The following MAP4K5 variants were observed in gnomAD, a reference collection of about 807,000 sequenced individuals.
MAP4K5 encodes mitogen-activated protein kinase kinase kinase kinase 5.
Under a neutral mutation model 135.6 loss-of-function variants are expected in MAP4K5, and 82 were observed. The ratio of observed to expected loss-of-function variants is 0.60; its 90% CI spans 0.51 to 0.73. The LOEUF is 0.73. MAP4K5 is among the 30% of genes least tolerant of loss of function. The probability of loss-of-function intolerance (pLI) is 0.00; values close to 1 mark genes in which losing one functional copy is unlikely to be tolerated. For synonymous variants in MAP4K5, 347 were observed against 335.0 expected (o/e 1.04, Z -0.39); for missense variants, 907 against 1,010.9 (o/e 0.90, Z 1.39).
chr14:50,435,887 A>C (rs1390759371), intron 26 of MAP4K5, among the ~76,000 whole-genome samples: 2 of 152,164 alleles, frequency 1.3e-5, no homozygotes, highest in African/African-American at 2.4e-5. Context: ...ATTTGCATTA[A>C]ACTCTAAAGT....
At chr14:50,532,400 C>G in intron 1 of MAP4K5, 48 bp downstream of exon 1, 1 of 213,432 alleles carries the variant, frequency 4.7e-6, no homozygotes, top group South Asian at 1.1e-4. Context: ...GGCTCCGTAC[C>G]TAATGGGGGC....
At chr14:50,484,329 A>G (rs1054998589) in intron 5 of MAP4K5, among the ~76,000 whole-genome samples, 1 of 152,186 alleles carries the variant, frequency 6.6e-6, no homozygotes, top group African/African-American at 2.4e-5. Flanking sequence ...GTTATGGATT[A>G]TTTGTTGTGA....
intron 10 of MAP4K5, 82 bp downstream of exon 10, chr14:50,468,569 T>C (rs2036884347): frequency 7.2e-7 from 1 of 1,380,122 alleles, no homozygotes; most frequent in Non-Finnish European, 1.0e-6. Flanking sequence ...TTCTTAAAAA[T>C]GAGCTTGATG....
intron 14 of MAP4K5, among the ~76,000 whole-genome samples, chr14:50,451,674 T>C (rs188224540): frequency 1.3e-5 from 2 of 152,252 alleles, no homozygotes; most frequent in African/African-American, 2.4e-5. Context: ...GTTTTTTTTT[T>C]CAAAAATAGT....
Position 50,455,441 on chromosome 14 carries a change from T to C in MAP4K5, c.1015+1075A>G, listed in dbSNP as rs183586428. Among the ~76,000 whole-genome samples the C allele has an allele frequency of 1.4e-3, 216 of 152,150 alleles. 3 individuals carry two copies. Among genetic ancestry groups the C allele is most frequent in the Admixed American group, 0.01 (154 of 15,270 alleles). Reference sequence around the variant, plus strand: ...AACTTTGTTACTTTTCTCTTTAGTATTGGAGGCCCACAGACTTCACCTCAG... The same window carrying C: ...AACTTTGTTACTTTTCTCTTTAGTACTGGAGGCCCACAGACTTCACCTCAG... On this transcript the variant is annotated intron_variant, in intron 14 of 32. Coordinates refer to ENST00000682126, the MANE Select transcript of MAP4K5 (RefSeq NM_006575.6).
Position 50,428,768 on chromosome 14 carries a change from A to G in MAP4K5, c.2234-14T>C. ...TTTTCACAAATTCTTAAAAAAAAAA[A>G]ACAAGTCAAGACTGGACATGCAAAT... is the stretch of plus-strand genomic sequence containing the variant. On this transcript the variant is annotated splice_polypyrimidine_tract_variant and intron_variant, in intron 29 of 32. Coordinates refer to ENST00000682126, the MANE Select transcript of MAP4K5 (RefSeq NM_006575.6). 7.5e-7 allele frequency: 1 copy of G among 1,327,466 alleles called. No individual in the cohort carries two copies. The highest frequency in any genetic ancestry group is 1.4e-5 in the South Asian group (1 of 71,380). 82.2% of individuals were successfully genotyped at this position (1,327,466 alleles called of 1,614,324 possible).
intron 3 of MAP4K5, among the ~76,000 whole-genome samples, chr14:50,503,300 T>C (rs867783959): frequency 1.3e-5 from 2 of 152,086 alleles, no homozygotes; most frequent in Non-Finnish European, 2.9e-5. Context: ...ATCATCAATA[T>C]TTACTGAACT....
chr14:50,469,480 T>A (rs1372580923), intron 9 of MAP4K5, among the ~76,000 whole-genome samples: 2 of 152,164 alleles, frequency 1.3e-5, no homozygotes, highest in Non-Finnish European at 2.9e-5. Flanking sequence ...GACTTTATCA[T>A]GAAAATGATG....
upstream of MAP4K5, among the ~76,000 whole-genome samples, chr14:50,535,715 T>C (rs1001421091): frequency 6.6e-6 from 1 of 152,176 alleles, no homozygotes; most frequent in Non-Finnish European, 1.5e-5. Context: ...ATCAGGTCAT[T>C]AGGATGAGAG....
At chr14:50,524,885 C>A (rs993936229) in intron 2 of MAP4K5, among the ~76,000 whole-genome samples, 3 of 152,184 alleles carry the variant, frequency 2.0e-5, no homozygotes, top group African/African-American at 7.2e-5. Context: ...ATTCATCTTC[C>A]TCATTGCAGT....
intron 11 of MAP4K5, among the ~76,000 whole-genome samples, chr14:50,466,074 AC>A (rs1196187995): frequency 4.6e-5 from 7 of 151,972 alleles, no homozygotes; most frequent in East Asian, 1.9e-4. Context: ...CTCCGTCTCC[AC>A]AAAAAAGAAA....
intron 1 of MAP4K5, among the ~76,000 whole-genome samples, chr14:50,546,499 G>A (rs546262894): frequency 3.0e-4 from 45 of 152,214 alleles, no homozygotes; most frequent in African/African-American, 1.0e-3. Context: ...ACACATTAAG[G>A]TAAAGTCAAG....
chr14:50,454,536 T>G (rs574037547), intron 14 of MAP4K5, among the ~76,000 whole-genome samples: 2 of 152,034 alleles, frequency 1.3e-5, no homozygotes, highest in Non-Finnish European at 2.9e-5. Context: ...GGTAAAACAT[T>G]CCTGATAAAT....
intron 5 of MAP4K5, among the ~76,000 whole-genome samples, chr14:50,484,503 T>C (rs975141170): frequency 6.6e-6 from 1 of 152,230 alleles, no homozygotes; most frequent in Non-Finnish European, 1.5e-5. Context: ...ATTTACATTC[T>C]ATATTTATAC....
At chr14:50,495,903 T>C (rs1329271957) in intron 3 of MAP4K5, among the ~76,000 whole-genome samples, 1 of 152,180 alleles carries the variant, frequency 6.6e-6, no homozygotes, top group African/African-American at 2.4e-5. Flanking sequence ...CTAGTGGCTG[T>C]GGGGAGGCAG....
chr14:50,428,609 T>C, intron 30 of MAP4K5, 53 bp downstream of exon 30: 2 of 1,024,176 alleles, frequency 2.0e-6, no homozygotes, highest in South Asian at 3.2e-5. Flanking sequence ...ACAGAATGAA[T>C]TTTAATAATC....
chr14:50,555,483 CGT>C (rs2038754852), intron 1 of MAP4K5, among the ~76,000 whole-genome samples: 1 of 152,080 alleles, frequency 6.6e-6, no homozygotes, highest in African/African-American at 2.4e-5. Flanking sequence ...GGGGTTTCAC[CGT>C]GTTGCCCAGG....
chr14:50,448,534 C>T (rs2036410344), intron 15 of MAP4K5, among the ~76,000 whole-genome samples: 1 of 150,756 alleles, frequency 6.6e-6, no homozygotes, highest in East Asian at 1.9e-4. Flanking sequence ...TTAATAACAT[C>T]ATGTAAAACC....
At chr14:50,481,103 T>C (rs1246133186) in intron 6 of MAP4K5, among the ~76,000 whole-genome samples, 1 of 151,768 alleles carries the variant, frequency 6.6e-6, no homozygotes, top group Non-Finnish European at 1.5e-5. Context: ...AGTACTTTGT[T>C]TAATACTTAG....
Sources: allele counts gnomAD v4.1 joint callset (sites outside exome capture counted in the v4.1 genomes callset), GRCh38; gene constraint gnomAD v4.1.1; transcripts MANE v1.5; gene names NCBI Gene and HGNC (gene_info 2026-07-23, HGNC 2026-07-21).